PLCB1: variants seen among roughly 807,000 people sequenced by gnomAD.
PLCB1 encodes phospholipase C beta 1.
A neutral mutation model predicts 161.8 loss-of-function variants in PLCB1; 46 were observed. The ratio of observed to expected loss-of-function variants is 0.28; its 90% confidence interval spans 0.22 to 0.36. The LOEUF is 0.36. PLCB1 is among the 10% of genes least tolerant of loss of function. The pLI is 1.00. For synonymous variants in PLCB1, 517 were observed against 503.7 expected (o/e 1.03, Z -0.35); for missense variants, 1,016 against 1,472.5 (o/e 0.69, Z 5.07).
chr20:8,595,333 G>C (rs1273359915), intron 3 of PLCB1, among the ~76,000 whole-genome samples: 1 of 145,048 alleles, frequency 6.9e-6, no homozygotes, highest in African/African-American at 2.6e-5. Context: ...TCCCACCTAT[G>C]AGCGAGAATA....
At chr20:8,484,352 G>T (rs111539796) in intron 3 of PLCB1, among the ~76,000 whole-genome samples, 1,465 of 113,506 alleles carry the variant, frequency 0.013, 25 homozygotes, top group African/African-American at 0.037. Context: ...GCTAGCTGCT[G>T]CTTCTTCTTC....
intron 2 of PLCB1, among the ~76,000 whole-genome samples, chr20:8,343,144 G>A (rs1180879532): frequency 2.0e-5 from 3 of 152,192 alleles, no homozygotes; most frequent in Admixed American, 1.3e-4. Context: ...TGTGTACCAA[G>A]CATGTGGGGC....
chr20:8,773,711 C>G (rs148700900), intron 26 of PLCB1, among the ~76,000 whole-genome samples: 5 of 152,092 alleles, frequency 3.3e-5, no homozygotes, highest in Admixed American at 2.6e-4. Context: ...CGGTGGCTCA[C>G]GTCTGTAATC....
chr20:8,140,787 A>C (rs555884298), intron 1 of PLCB1, among the ~76,000 whole-genome samples: 36 of 152,128 alleles, frequency 2.4e-4, no homozygotes, highest in Non-Finnish European at 3.8e-4. Context: ...ACAACAACAA[A>C]AAACTTTTTA....
chr20:8,454,698 C>T (rs1038911408), intron 3 of PLCB1, among the ~76,000 whole-genome samples: 2 of 152,124 alleles, frequency 1.3e-5, no homozygotes, highest in Admixed American at 6.5e-5. Flanking sequence ...CACTCTCTCC[C>T]GTCTTGCATG....
intron 3 of PLCB1, among the ~76,000 whole-genome samples, chr20:8,399,989 G>A (rs1391057585): frequency 6.6e-6 from 1 of 152,120 alleles, no homozygotes; most frequent in African/African-American, 2.4e-5. Flanking sequence ...ATGTTGACAG[G>A]CCCTTTAAAT....
chr20:8,172,382 T>C (rs2051741910), intron 2 of PLCB1, among the ~76,000 whole-genome samples: 1 of 152,166 alleles, frequency 6.6e-6, no homozygotes, highest in Admixed American at 6.6e-5. Context: ...AGGAAGAATG[T>C]CCTAAGCAAA....
intron 2 of PLCB1, among the ~76,000 whole-genome samples, chr20:8,196,650 T>TTA (rs1156543696): frequency 2.0e-4 from 29 of 146,278 alleles, no homozygotes; most frequent in Admixed American, 3.4e-4. Context: ...CTCCTTTTCT[T>TTA]TATATATATA....
chr20:8,795,500 C>A (rs1186068494), intron 31 of PLCB1, among the ~76,000 whole-genome samples: 1 of 152,162 alleles, frequency 6.6e-6, no homozygotes, highest in Non-Finnish European at 1.5e-5. Context: ...TGTTTTCTAG[C>A]AATGAGATAT....
intron 2 of PLCB1, among the ~76,000 whole-genome samples, chr20:8,311,042 C>CT (rs557231825): frequency 8.3e-4 from 126 of 152,206 alleles, no homozygotes; most frequent in African/African-American, 3.0e-3. Context: ...TAAGCTTTCC[C>CT]TTTTTTCTAC....
chr20:8,242,218 G>A (rs1440536044), intron 2 of PLCB1, among the ~76,000 whole-genome samples: 5 of 151,710 alleles, frequency 3.3e-5, no homozygotes, highest in South Asian at 2.1e-4. Context: ...TCTACCCAGC[G>A]TGTGGTCACA....
chr20:8,446,101 CA>C, intron 3 of PLCB1, among the ~76,000 whole-genome samples: 1 of 151,322 alleles, frequency 6.6e-6, no homozygotes, highest in East Asian at 1.9e-4. Context: ...AGAGACACAG[CA>C]AAAAAAAGAG....
intron 16 of PLCB1, 62 bp downstream of exon 16, chr20:8,724,814 A>T: frequency 1.1e-6 from 1 of 890,362 alleles, no homozygotes; most frequent in Admixed American, 2.0e-5. Context: ...TTAAATACGG[A>T]GTAATGGGAC....
intron 2 of PLCB1, among the ~76,000 whole-genome samples, chr20:8,214,175 G>A (rs1486159642): frequency 2.0e-5 from 3 of 152,092 alleles, no homozygotes; most frequent in African/African-American, 4.8e-5. Context: ...TATATATGCT[G>A]ATGAAAGTAG....
At chr20:8,413,193 T>C (rs1291074868) in intron 3 of PLCB1, among the ~76,000 whole-genome samples, 1 of 152,208 alleles carries the variant, frequency 6.6e-6, no homozygotes, top group African/African-American at 2.4e-5. Flanking sequence ...TAATTTGCAT[T>C]ATTTTTATTT....
intron 31 of PLCB1, among the ~76,000 whole-genome samples, chr20:8,846,949 T>A (rs922760070): frequency 6.6e-6 from 1 of 152,152 alleles, no homozygotes; most frequent in South Asian, 2.1e-4. Context: ...TTTATTTGCC[T>A]TTCTAACCTT....
intron 2 of PLCB1, among the ~76,000 whole-genome samples, chr20:8,229,924 C>A (rs1038855999): frequency 5.4e-5 from 8 of 149,316 alleles, no homozygotes; most frequent in Non-Finnish European, 8.9e-5. Flanking sequence ...GATATGGGGA[C>A]ACACACTTGT....
intron 3 of PLCB1, among the ~76,000 whole-genome samples, chr20:8,489,558 T>G (rs918777260): frequency 6.6e-6 from 1 of 152,110 alleles, no homozygotes; most frequent in Non-Finnish European, 1.5e-5. Flanking sequence ...TATCTTTCAT[T>G]TAGTAGATTT....
At chr20:8,289,490 T>C (rs1425485210) in intron 2 of PLCB1, among the ~76,000 whole-genome samples, 1 of 152,194 alleles carries the variant, frequency 6.6e-6, no homozygotes, top group Non-Finnish European at 1.5e-5. Context: ...GGTTCTATTA[T>C]TATTTCCATT....
Sources: gnomAD v4.1 joint callset for allele counts (sites outside exome capture counted in the v4.1 genomes callset) on GRCh38, gnomAD v4.1.1 for gene constraint, MANE v1.5 for transcripts, NCBI Gene and HGNC (gene_info 2026-07-23, HGNC 2026-07-21) for gene names.